The following TBC1D16 variants were observed in gnomAD, a reference collection of about 807,000 sequenced individuals.
The protein encoded by TBC1D16 is TBC1 domain family member 16, also known as CTD-2529O21.1.
Under a neutral mutation model 74.7 loss-of-function variants are expected in TBC1D16, and 58 were observed. The ratio of observed to expected loss-of-function variants is 0.78; its 90% CI spans 0.63 to 0.97. The LOEUF (loss-of-function observed/expected upper bound fraction) is 0.97, where lower values mean the gene tolerates loss of function less well. Among genes scored for constraint, TBC1D16 ranks in the 50% least tolerant of loss-of-function variants. The pLI is 0.00. For synonymous variants in TBC1D16, 493 were observed against 474.7 expected, an observed-to-expected ratio of 1.04 and a Z score of -0.50; for missense variants, 1,014 against 1,079.5, an observed-to-expected ratio of 0.94 and a Z score of 0.85.
intron 1 of TBC1D16, among the ~76,000 whole-genome samples, chr17:80,034,489 A>G (rs2036884428): frequency 6.6e-6 from 1 of 152,192 alleles, no homozygotes; most frequent in African/African-American, 2.4e-5. Flanking sequence ...GCCGTGAGCC[A>G]CGGCGCCCAG....
intron 1 of TBC1D16, among the ~76,000 whole-genome samples, chr17:80,025,364 C>T (rs1443841136): frequency 6.7e-6 from 1 of 150,136 alleles, no homozygotes; most frequent in Non-Finnish European, 1.5e-5. Context: ...GCAGGAGCCT[C>T]CCTACCCAGC....
At chr17:79,969,778 C>T (rs756867513) in intron 3 of TBC1D16, among the ~76,000 whole-genome samples, 2 of 151,746 alleles carry the variant, frequency 1.3e-5, no homozygotes, top group African/African-American at 2.4e-5. Context: ...CCCATCTCTA[C>T]TAAAAATACA....
intron 3 of TBC1D16, among the ~76,000 whole-genome samples, chr17:79,966,982 A>T (rs2033870649): frequency 6.6e-6 from 1 of 152,232 alleles, no homozygotes; most frequent in Non-Finnish European, 1.5e-5. Flanking sequence ...AGATGCAGAA[A>T]AACATTTGAC....
At chr17:79,945,184 C>G in intron 9 of TBC1D16, 97 bp from the exon 10 acceptor site, 1 of 1,362,634 alleles carries the variant, frequency 7.3e-7, no homozygotes. Flanking sequence ...TGGGCCACCC[C>G]AGCCTGGAAA....
At position 79,940,776 on chromosome 17, in the gene TBC1D16, C is replaced by T; in HGVS notation, c.*83G>A. On this transcript the variant is annotated 3_prime_UTR_variant, in exon 12 of 12. Transcript: ENST00000310924. The surrounding 1 kb of genome is among the most constrained non-coding windows in gnomAD (Gnocchi z 5.4). ...TTAGGTTTCTACCGTCCCCTGTCCC[C>T]TTCACGCCCAGCCCCACCCCCTCCC... The T allele has an allele frequency of 1.4e-6, 2 of 1,419,174 alleles. No individual in the cohort carries two copies. The highest frequency in any genetic ancestry group is 1.4e-5 in the African/African-American group (1 of 69,686). 87.9% of individuals were successfully genotyped at this position (1,419,174 alleles called of 1,614,324 possible).
chr17:79,984,178 C>T (rs1212897932), intron 3 of TBC1D16, among the ~76,000 whole-genome samples: 3 of 152,156 alleles, frequency 2.0e-5, no homozygotes, highest in Non-Finnish European at 2.9e-5. Flanking sequence ...TCTGCCAGCA[C>T]GCCCAGCCAA....
chr17:80,024,903 A>G (rs1476278690), intron 1 of TBC1D16, among the ~76,000 whole-genome samples: 1 of 5,326 alleles, frequency 1.9e-4, no homozygotes, highest in Non-Finnish European at 4.6e-4. Flanking sequence ...CTGCATAAAC[A>G]TCACACACAC....
Position 79,987,410 on chromosome 17 carries a change from C to G in TBC1D16, c.779+22750G>C, listed in dbSNP as rs2144410390. 2.0e-5 allele frequency among the ~76,000 whole-genome samples: 3 copies of G among 152,048 alleles called. No homozygotes were observed. Among genetic ancestry groups the G allele is most frequent in the Middle Eastern group, 6.8e-3 (2 of 294 alleles). ...CACAGGTGCACGCCATCACGCCCAG[C>G]TAAATTTTTTATTTTTTATAGAGAT... On this transcript the variant is annotated intron_variant, in intron 3 of 11. Transcript: ENST00000310924. This position sits in a 1 kb window ranked among gnomAD's most constrained non-coding sequence, Gnocchi z 5.2.
rs111571289 is a variant in TBC1D16 at position 80,011,595 on chromosome 17, G to C, written c.182-838C>G. Among the ~76,000 whole-genome samples, 698 of 152,320 alleles carry C rather than the reference G, an allele frequency of 4.6e-3. 5 individuals carry two copies. The highest frequency in any genetic ancestry group is 0.016 in the African/African-American group (670 of 41,588). On this transcript the variant is annotated intron_variant, in intron 2 of 11. Coordinates refer to ENST00000310924, the MANE Select transcript of TBC1D16 (RefSeq NM_019020.4). The stretch of plus-strand genomic sequence containing the variant: ...TAATCCCAGCACTTTGGGAGGCCAA[G>C]GCGGGTGGATCACGAGGTCAGGAGA...
chr17:79,952,981 G>T, intron 3 of TBC1D16, 163 bp from the exon 4 acceptor site: 1 of 714,274 alleles, frequency 1.4e-6, no homozygotes, highest in Non-Finnish European at 2.2e-6. Context: ...ATAAATGAAT[G>T]TATGAACCCC....
In TBC1D16 at chr17:79,988,938, A is replaced by T. The variant is rs567232791; in HGVS notation, c.779+21222T>A. 6.6e-6 allele frequency among the ~76,000 whole-genome samples: 1 copy of T among 152,168 alleles called. No homozygotes were observed. The highest frequency in any genetic ancestry group is 6.5e-5 in the Admixed American group (1 of 15,274). On this transcript the variant is annotated intron_variant, in intron 3 of 11. Transcript: ENST00000310924. The surrounding 1 kb of genome is among the most constrained non-coding windows in gnomAD (Gnocchi z 5.7). ...CGCCGGCCCCAGGCCCTCCCTCAGG[A>T]CCCAGCACCTTCAGTCCTCCTGCCG...
At position 79,983,875 on chromosome 17, in the gene TBC1D16, A is replaced by T. The variant is rs527979744; in HGVS notation, c.779+26285T>A. 2.0e-5 allele frequency among the ~76,000 whole-genome samples: 3 copies of T among 152,164 alleles called. No homozygotes were observed. Among genetic ancestry groups the T allele is most frequent in the East Asian group, 1.9e-4 (1 of 5,182 alleles). On this transcript the variant is annotated intron_variant, in intron 3 of 11. Transcript: ENST00000310924. This position sits in a 1 kb window ranked among gnomAD's most constrained non-coding sequence, Gnocchi z 5.6. ...TATGACAAAATTTAAAAAAAATTTA[A>T]ATTTATTTAGAGACAGGGTCATGCT...
Position 80,010,808 on chromosome 17 carries a change from A to G in TBC1D16, c.182-51T>C. 1 of 1,367,770 alleles carries G rather than the reference A, an allele frequency of 7.3e-7. No individual in the cohort carries two copies. The highest frequency in any genetic ancestry group is 2.5e-5 in the East Asian group (1 of 39,582). The allele number at this position is 1,367,770 out of a possible 1,614,324, so 84.7% of individuals were successfully genotyped here. A position where few individuals can be genotyped will look rare whatever the true frequency, so the allele number is the denominator to read the frequency against. On this transcript the variant is annotated intron_variant, in intron 2 of 11. Transcript: ENST00000310924. The surrounding 1 kb of genome is among the most constrained non-coding windows in gnomAD (Gnocchi z 8.8). ...GTTAGAGGCCAGGAGGCTGTGGATG[A>G]GGCCCTTGTGGTACCTTTGGCGAGC... is the stretch of plus-strand genomic sequence containing the variant.
Position 79,932,986 on chromosome 17 carries a change from T to G in TBC1D16, c.*7873A>C, listed in dbSNP as rs2031350005. 6.6e-6 allele frequency: 1 copy of G among 152,210 alleles called. No homozygotes were observed. Among genetic ancestry groups the G allele is most frequent in the South Asian group, 2.1e-4 (1 of 4,830 alleles). The allele number at this position is 152,210 out of a possible 1,614,324, so 9.4% of individuals were successfully genotyped here. ...TCCTAGTCAGAGACTGAATGGCATA[T>G]TTTCAAAGCACTTCGTCTAAATTGC... On this transcript the variant is annotated 3_prime_UTR_variant, in exon 12 of 12. Transcript: ENST00000310924.
chr17:80,002,110 G>A (rs1042871430), intron 3 of TBC1D16, among the ~76,000 whole-genome samples: 2 of 152,156 alleles, frequency 1.3e-5, no homozygotes, highest in South Asian at 2.1e-4. Context: ...TGAGTCCAGG[G>A]CGACACCCCC....
intron 3 of TBC1D16, among the ~76,000 whole-genome samples, chr17:79,998,514 A>ATTT (rs376951265): frequency 9.1e-5 from 12 of 131,844 alleles, no homozygotes; most frequent in Admixed American, 1.6e-4. Flanking sequence ...TATTATTATA[A>ATTT]TTTTTTTTTT....
Position 80,007,529 on chromosome 17 carries a change from A to C in TBC1D16, c.779+2631T>G, listed in dbSNP as rs1451407931. ...CCAGCAGCTGGGGACGGACAGGCGG[A>C]CAGGGTGTCTCAGTGGGGACTCGAG... is the stretch of plus-strand genomic sequence containing the variant. On this transcript the variant is annotated intron_variant, in intron 3 of 11. Coordinates refer to ENST00000310924, the MANE Select transcript of TBC1D16 (RefSeq NM_019020.4). This position sits in a 1 kb window ranked among gnomAD's most constrained non-coding sequence, Gnocchi z 4.5. 6.6e-6 allele frequency among the ~76,000 whole-genome samples: 1 copy of C among 152,174 alleles called. No individual in the cohort carries two copies. The highest frequency in any genetic ancestry group is 1.5e-5 in the Non-Finnish European group (1 of 68,028).
Position 80,007,457 on chromosome 17 carries a change from C to T in TBC1D16, c.779+2703G>A, listed in dbSNP as rs955980221. On this transcript the variant is annotated intron_variant, in intron 3 of 11. Coordinates refer to ENST00000310924, the MANE Select transcript of TBC1D16 (RefSeq NM_019020.4). The surrounding 1 kb of genome is among the most constrained non-coding windows in gnomAD (Gnocchi z 4.5). ...CTCAGGATGATGCCAGGACTGGAAACAGATCTGTCGGACCCCAAAATTTAC... is the reference window on the plus strand; with the variant it reads ...CTCAGGATGATGCCAGGACTGGAAATAGATCTGTCGGACCCCAAAATTTAC... Among the ~76,000 whole-genome samples, 21 of 152,198 alleles carry T rather than the reference C, an allele frequency of 1.4e-4. No homozygotes were observed. Among genetic ancestry groups the T allele is most frequent in the African/African-American group, 5.1e-4 (21 of 41,458 alleles).
intron 8 of TBC1D16, among the ~76,000 whole-genome samples, chr17:79,948,312 CAAA>C (rs35346852): frequency 1.5e-5 from 2 of 136,522 alleles, no homozygotes. Flanking sequence ...GACTCCGTCT[CAAA>C]AAAAAAAAAA....
Sources: allele counts gnomAD v4.1 joint callset (sites outside exome capture counted in the v4.1 genomes callset), GRCh38; gene constraint gnomAD v4.1.1; non-coding constraint Gnocchi (gnomAD v3.1); transcripts MANE v1.5; gene names NCBI Gene and HGNC (gene_info 2026-07-23, HGNC 2026-07-21).